Variants in PDE6B observed in about 807,000 individuals in gnomAD.
The protein encoded by PDE6B is rod cGMP-specific 3',5'-cyclic phosphodiesterase subunit beta.
In PDE6B, 106 loss-of-function variants were observed where a neutral mutation model predicts 109.0. The observed-to-expected ratio is 0.97, with a 90% CI of 0.83 to 1.14. The LOEUF (loss-of-function observed/expected upper bound fraction) is 1.14, where lower values mean the gene tolerates loss of function less well. Among genes scored for constraint, PDE6B ranks in the 50% most tolerant of loss-of-function variants. The pLI is 0.00. For missense variants in PDE6B, 1,193 were observed against 1,155.6 expected, an observed-to-expected ratio of 1.03 and a Z score of -0.47; for synonymous variants, 490 against 471.3, an observed-to-expected ratio of 1.04 and a Z score of -0.51.
At chr4:655,616 C>G (rs947557405) in intron 6 of PDE6B, 4 of 459,718 alleles carry the variant, frequency 8.7e-6, no homozygotes, top group Non-Finnish European at 8.1e-6. Flanking sequence ...CCAACCCACG[C>G]CCTGGCCTCC....
chr4:655,092 G>A, intron 6 of PDE6B: 1 of 609,770 alleles, frequency 1.6e-6, no homozygotes, highest in Non-Finnish European at 3.0e-6. Context: ...TGTTCTGGGA[G>A]ATGGTGAGGA....
rs770792606 is a variant in PDE6B at position 653,947 on chromosome 4, C to A, written c.807C>A (p.Asn269Lys). The A allele has an allele frequency of 6.2e-7, 1 of 1,613,804 alleles. No homozygotes were observed. The highest frequency in any genetic ancestry group is 8.5e-7 in the Non-Finnish European group (1 of 1,180,034). Residue 269 changes from asparagine to lysine, a missense_variant, in exon 4 of 22, where the codon AAC becomes AAA. Physicochemically the swap from Asn to Lys is moderately conservative, Grantham distance 94. Transcript: ENST00000496514. ...TCTACACGGTGCGGGCCTACCTCAA[C>A]TGCGAGCGGTACTCCGTGGGCCTCC... ...KAFYTVRAYLNCERYSVGLLD... is the reference protein window; with the variant it reads ...KAFYTVRAYLKCERYSVGLLD...
chr4:655,276 G>A (rs1435080533), intron 6 of PDE6B: 8 of 324,184 alleles, frequency 2.5e-5, no homozygotes, highest in East Asian at 1.6e-4. Context: ...CCAGGAGGCC[G>A]AGTCTTGGCC....
intron 10 of PDE6B, among the ~76,000 whole-genome samples, chr4:658,081 G>T (rs1427867830): frequency 1.5e-5 from 2 of 135,268 alleles, no homozygotes; most frequent in African/African-American, 2.8e-5. Flanking sequence ...GTCCATCCAG[G>T]GGTCACCCAG....
chr4:658,917 G>A (rs780117580), intron 10 of PDE6B, 35 bp from the exon 11 acceptor site: 66 of 1,534,174 alleles, frequency 4.3e-5, no homozygotes, highest in Non-Finnish European at 6.0e-5. Flanking sequence ...CACATGCGAA[G>A]CTCTTTCTCG....
At chr4:660,666 G>T in intron 12 of PDE6B, 53 bp downstream of exon 12, 1 of 1,543,194 alleles carries the variant, frequency 6.5e-7, no homozygotes, top group South Asian at 1.1e-5. Context: ...CCCAGGACAT[G>T]GGGGTGGGGA....
rs140203507 is a variant in PDE6B, at chr4:658,963, G to C, written c.1413G>C (p.Ala471=). The C allele has an allele frequency of 6.2e-7, 1 of 1,613,114 alleles. No individual in the cohort carries two copies. Among genetic ancestry groups the C allele is most frequent in the South Asian group, 1.1e-5 (1 of 91,068 alleles). The change falls in exon 11 of 22, where the codon GCG becomes GCC. Residue 471 remains alanine (A), a synonymous_variant. Transcript: ENST00000496514. ...DEIQLILPTR[A]RLGKEPADCD... ...GTGTCTCTGTGTAGCCAACCAGAGC[G>C]CGCCTGGGGAAGGAGCCTGCTGACT...
At position 656,000 on chromosome 4, in the gene PDE6B, C is replaced by T. The variant is rs768980060; in HGVS notation, c.1053C>T (p.Ser351=). ...ASGLPSYVAE[S]GFICNIMNAS... is the part of the protein sequence containing the mutation. ...GCCTTCCAAGCTACGTGGCAGAAAG[C>T]GGCTTTGTGAGTCCCGTGCTGTCTG... The change falls in exon 7 of 22, where the codon AGC becomes AGT. Residue 351 remains serine (S), a synonymous_variant. Transcript: ENST00000496514. 14 of 1,598,444 alleles carry T rather than the reference C, an allele frequency of 8.8e-6. No homozygotes were observed. Among genetic ancestry groups the T allele is most frequent in the African/African-American group, 4.0e-5 (3 of 74,628 alleles).
At chr4:670,021 C>T (rs777362293) in intron 21 of PDE6B, 25 bp from the exon 22 acceptor site, 4 of 1,606,242 alleles carry the variant, frequency 2.5e-6, no homozygotes, top group Admixed American at 1.7e-5. Context: ...TGGTTCCACT[C>T]ACCATCTTCT....
rs1372219749 is a variant in PDE6B, at chr4:635,983, G to T, written c.711+14G>T. 2.0e-6 allele frequency: 3 copies of T among 1,506,762 alleles called. No individual in the cohort carries two copies. In the African/African-American group the frequency reaches 4.1e-5, roughly 21 times the overall value. 93.3% of individuals were successfully genotyped at this position (1,506,762 alleles called of 1,614,324 possible). A position where few individuals can be genotyped will look rare whatever the true frequency, so the allele number is the denominator to read the frequency against. Reference sequence around the variant, plus strand: ...CGCCGCGGCCAGGTACCCACACGCTGAGCACAGCTCTGCCCACGAGGGCCA... The same window carrying T: ...CGCCGCGGCCAGGTACCCACACGCTTAGCACAGCTCTGCCCACGAGGGCCA... On this transcript the variant is annotated intron_variant, in intron 3 of 21. Coordinates refer to ENST00000496514, the MANE Select transcript of PDE6B (RefSeq NM_000283.4).
chr4:644,809 C>T (rs1735121721), intron 3 of PDE6B, among the ~76,000 whole-genome samples: 1 of 152,024 alleles, frequency 6.6e-6, no homozygotes, highest in African/African-American at 2.4e-5. Context: ...GGATGACAGG[C>T]GTGAGCCACC....
chr4:642,725 CAAAAAAAAAAAAA>C (rs71636506), intron 3 of PDE6B, among the ~76,000 whole-genome samples: 1 of 43,336 alleles, frequency 2.3e-5, no homozygotes, highest in African/African-American at 9.3e-5. Context: ...GACACTGTCT[CAAAAAAAAAAAAA>C]AAAAAAAAAA....
Position 662,401 on chromosome 4 carries a change from T to G in PDE6B, c.1723-108T>G, listed in dbSNP as rs2109254395. On this transcript the variant is annotated intron_variant, in intron 13 of 21. Transcript: ENST00000496514. The surrounding 1 kb of genome is among the most constrained non-coding windows in gnomAD (Gnocchi z 4.3). ...TGCACCGCGCACCCCAGCCCTGCGG[T>G]GGTCGGAGGTCCAACCTCCAACCCG... The G allele has an allele frequency of 5.8e-6, 5 of 859,814 alleles. No homozygotes were observed. The highest frequency in any genetic ancestry group is 9.8e-6 in the Non-Finnish European group (5 of 511,954). The allele number at this position is 859,814 out of a possible 1,614,324, so 53.3% of individuals were successfully genotyped here.
At chr4:632,777 CGTT>C (rs1734456648) in intron 1 of PDE6B, among the ~76,000 whole-genome samples, 1 of 146,840 alleles carries the variant, frequency 6.8e-6, no homozygotes, top group East Asian at 2.1e-4. Flanking sequence ...CTCTGGATCA[CGTT>C]GTGTGGATCT....
At position 648,791 on chromosome 4, in the gene PDE6B, C is replaced by G. The variant is rs1181922301; in HGVS notation, c.712-5061C>G. Among the ~76,000 whole-genome samples the G allele has an allele frequency of 6.6e-6, 1 of 152,258 alleles. No homozygotes were observed. Reference sequence around the variant, plus strand: ...GCTGCAGCAAAGCTGCATGAAAGGCCTGTGGGTGCAGGGCTGCAGCTCTCA... The same window carrying G: ...GCTGCAGCAAAGCTGCATGAAAGGCGTGTGGGTGCAGGGCTGCAGCTCTCA... On this transcript the variant is annotated intron_variant, in intron 3 of 21. Coordinates refer to ENST00000496514, the MANE Select transcript of PDE6B (RefSeq NM_000283.4). This position sits in a 1 kb window ranked among gnomAD's most constrained non-coding sequence, Gnocchi z 4.5.
chr4:649,950 C>T (rs115886684), intron 3 of PDE6B, among the ~76,000 whole-genome samples: 1,629 of 152,328 alleles, frequency 0.011, 44 homozygotes, highest in African/African-American at 0.038. Context: ...TCTGAGTACA[C>T]GGGGTGGCCA....
rs750393714 is a variant in PDE6B at position 625,877 on chromosome 4, G to A, written c.251G>A (p.Cys84Tyr). 1.7e-5 allele frequency: 28 copies of A among 1,607,184 alleles called. No individual in the cohort carries two copies. Among genetic ancestry groups the A allele is most frequent in the Non-Finnish European group, 1.7e-6 (2 of 1,177,558 alleles). Residue 84 changes from cysteine (C) to tyrosine (Y), a missense_variant, in exon 1 of 22, where the codon TGC becomes TAC. By Grantham distance (194) the Cys-to-Tyr change is radical (BLOSUM62 -2). Transcript: ENST00000496514. This position sits in a 1 kb window ranked among gnomAD's most constrained non-coding sequence, Gnocchi z 5.0. ...GTCTTCAAGGTCCTGCGGCGCCTCT[G>A]CACCCTCCTGCAGGCCGACCGCTGC... is the stretch of plus-strand genomic sequence containing the variant. ...RVVFKVLRRL[C>Y]TLLQADRCSL...
rs2109270240 is a variant in PDE6B at position 665,036 on chromosome 4, T to C, written c.2193+92T>C. ...GGGAGCCTCGGATGGCAACGGACCATTGTTTGCAAGGAGCTCTGAGGGCCA... is the reference window on the plus strand; with the variant it reads ...GGGAGCCTCGGATGGCAACGGACCACTGTTTGCAAGGAGCTCTGAGGGCCA... On this transcript the variant is annotated intron_variant, in intron 18 of 21. Transcript: ENST00000496514. The surrounding 1 kb of genome is among the most constrained non-coding windows in gnomAD (Gnocchi z 4.0). 1 of 1,097,824 alleles carries C rather than the reference T, an allele frequency of 9.1e-7. No homozygotes were observed. The highest frequency in any genetic ancestry group is 2.4e-5 in the East Asian group (1 of 41,532). The allele number at this position is 1,097,824 out of a possible 1,614,324, so 68.0% of individuals were successfully genotyped here.
chr4:635,177 CCACCTCCT>C (rs1734598470), intron 2 of PDE6B, among the ~76,000 whole-genome samples: 1 of 133,242 alleles, frequency 7.5e-6, no homozygotes, highest in Non-Finnish European at 1.6e-5. Flanking sequence ...TGCTGCGCGT[CCACCTCCT>C]TACCTGCCTG....
Sources: gnomAD v4.1 joint callset for allele counts (sites outside exome capture counted in the v4.1 genomes callset) on GRCh38, gnomAD v4.1.1 for gene constraint, Gnocchi (gnomAD v3.1) non-coding constraint, MANE v1.5 for transcripts, NCBI Gene and HGNC (gene_info 2026-07-23, HGNC 2026-07-21) for gene names.